Variants in CPSF3 observed in about 807,000 individuals in gnomAD.
CPSF3 encodes the protein cleavage and polyadenylation specific factor 3, also known as cleavage and polyadenylation specificity factor subunit 3.
In CPSF3, 57 loss-of-function variants were observed where a neutral mutation model predicts 84.1. That is an observed-to-expected ratio of 0.68 (90% CI 0.55 to 0.85). CPSF3 has a LOEUF of 0.85. CPSF3 is among the 40% of genes least tolerant of loss of function. The pLI, the probability that CPSF3 is intolerant of heterozygous loss-of-function variation, is 0.00. For synonymous variants in CPSF3, 275 were observed against 278.1 expected (o/e 0.99, Z 0.11); for missense variants, 522 against 838.8 (o/e 0.62, Z 4.66).
In CPSF3 at chr2:9,462,166, T is replaced by G. The variant is rs185740589; in HGVS notation, c.1786+2548T>G. Among the ~76,000 whole-genome samples, 1,072 of 152,312 alleles carry G rather than the reference T, an allele frequency of 7.0e-3. 8 individuals are homozygous for G. Among genetic ancestry groups the G allele is most frequent in the Admixed American group, 0.017 (263 of 15,296 alleles). ...GAGAGCAGAATCACGCCCAGGGCTT[T>G]GGGCCACGCAGCTTTCAGCTGTAAG... is the stretch of plus-strand genomic sequence containing the variant. On this transcript the variant is annotated intron_variant, in intron 15 of 17. Transcript: ENST00000238112.
In CPSF3 at chr2:9,431,290, G is replaced by C. The variant is rs138923759; in HGVS notation, c.341+410G>C. ...GCTAGTCTCAAACTCCTGGGCTCCA[G>C]TGATCCTCCTGCCTTGGCCTCCCAG... is the stretch of plus-strand genomic sequence containing the variant. On this transcript the variant is annotated intron_variant, in intron 4 of 17. Coordinates refer to ENST00000238112, the MANE Select transcript of CPSF3 (RefSeq NM_016207.4). Among the ~76,000 whole-genome samples, 521 of 152,336 alleles carry C rather than the reference G, an allele frequency of 3.4e-3. 1 individual carries two copies. Among genetic ancestry groups the C allele is most frequent in the African/African-American group, 0.012 (496 of 41,580 alleles).
chr2:9,443,774 C>T (rs1681034424), intron 10 of CPSF3, 113 bp downstream of exon 10: 5 of 1,138,362 alleles, frequency 4.4e-6, no homozygotes, highest in Non-Finnish European at 6.3e-6. Flanking sequence ...TGCGACACCC[C>T]CTGAGCAGAG....
intron 12 of CPSF3, among the ~76,000 whole-genome samples, chr2:9,454,388 A>G (rs1244405982): frequency 2.0e-5 from 3 of 152,162 alleles, no homozygotes; most frequent in African/African-American, 4.8e-5. Flanking sequence ...AACCCGGGCA[A>G]CAGTGCGAGA....
At chr2:9,458,329 G>C (rs1681604161) in intron 14 of CPSF3, among the ~76,000 whole-genome samples, 1 of 152,138 alleles carries the variant, frequency 6.6e-6, no homozygotes, top group Admixed American at 6.5e-5. Flanking sequence ...ACTTGCATCT[G>C]GGAAACAGAG....
chr2:9,424,995 C>T (rs1026319545), intron 1 of CPSF3: 1 of 152,096 alleles, frequency 6.6e-6, no homozygotes, highest in Non-Finnish European at 1.5e-5. Context: ...AATCTAAGAA[C>T]GCAGGCAGGC....
intron 10 of CPSF3, among the ~76,000 whole-genome samples, chr2:9,447,105 C>T (rs967708084): frequency 1.1e-4 from 16 of 152,028 alleles, no homozygotes; most frequent in African/African-American, 3.9e-4. Flanking sequence ...TATGCCACTG[C>T]ACTCCAACCT....
chr2:9,448,479 TTTATCC>T (rs1294789825), intron 11 of CPSF3, 129 bp downstream of exon 11: 5 of 755,762 alleles, frequency 6.6e-6, no homozygotes, highest in Middle Eastern at 2.6e-4. Context: ...CTACAGGAAT[TTTATCC>T]TTATCCTTTT....
chr2:9,443,405 G>C (rs766913670), intron 9 of CPSF3, 110 bp from the exon 10 acceptor site: 4 of 1,014,428 alleles, frequency 3.9e-6, no homozygotes, highest in South Asian at 1.8e-5. Flanking sequence ...GATTTTGTGC[G>C]TAAGGTCCTA....
chr2:9,432,637 A>T lies in CPSF3; in HGVS notation c.468A>T (p.Ala156=). The T allele has an allele frequency of 1.9e-6, 3 of 1,578,226 alleles. No homozygotes were observed. Among genetic ancestry groups the T allele is most frequent in the Non-Finnish European group, 2.6e-6 (3 of 1,152,972 alleles). Residue 156 remains alanine, a synonymous_variant, in exon 5 of 18, where the codon GCA becomes GCT. Transcript: ENST00000238112. The part of the protein sequence containing the change: ...VAGIKFWCYH[A]GHVLGAAMFM... ...GAATCAAGTTTTGGTGTTACCATGCAGGTCACGTCCTAGGAGCCGCCATGT... is the reference window on the plus strand; with the variant it reads ...GAATCAAGTTTTGGTGTTACCATGCTGGTCACGTCCTAGGAGCCGCCATGT...
At chr2:9,426,999 C>G (rs1680417862) in intron 1 of CPSF3, among the ~76,000 whole-genome samples, 1 of 152,076 alleles carries the variant, frequency 6.6e-6, no homozygotes, top group Non-Finnish European at 1.5e-5. Context: ...CAAGAGGGTC[C>G]ACTGCCCTGG....
In CPSF3 at chr2:9,471,404, G is replaced by A; in HGVS notation, c.1918G>A (p.Asp640Asn). Residue 640 changes from aspartate to asparagine, a missense_variant, in exon 17 of 18, where the codon GAC (aspartate) becomes AAC (asparagine). Asp to Asn is a conservative substitution (Grantham distance 23). Coordinates refer to ENST00000238112, the MANE Select transcript of CPSF3 (RefSeq NM_016207.4). ...TGACTCTATTCTTAGCGTCACAGTG[G>A]ACGGGAAAACTGCCAACCTTAACTT... ...KDDSILSVTVDGKTANLNLET... is the reference protein window; with the variant it reads ...KDDSILSVTVNGKTANLNLET... 6.2e-7 allele frequency: 1 copy of A among 1,612,316 alleles called. No individual in the cohort carries two copies. The highest frequency in any genetic ancestry group is 8.5e-7 in the Non-Finnish European group (1 of 1,178,452).
rs759335831 is a variant in CPSF3, at chr2:9,455,681, C to T, written c.1527C>T (p.Ser509=). The change falls in exon 13 of 18, where the codon AGC becomes AGT. Residue 509 remains serine (S), a synonymous_variant. Coordinates refer to ENST00000238112, the MANE Select transcript of CPSF3 (RefSeq NM_016207.4). ...CAGATTATACTGACCTGGCCATGAG[C>T]ACGGTGAAGCAGACCCAAGCCATTC... ...DLSNYTDLAM[S]TVKQTQAIPY... The T allele has an allele frequency of 1.5e-5, 25 of 1,613,838 alleles. No homozygotes were observed. Among genetic ancestry groups the T allele is most frequent in the Non-Finnish European group, 2.0e-5 (24 of 1,179,872 alleles).
intron 1 of CPSF3, 24 bp downstream of exon 1, chr2:9,423,847 A>G (rs957554248): frequency 3.1e-6 from 5 of 1,610,704 alleles, no homozygotes; most frequent in Non-Finnish European, 3.4e-6. Flanking sequence ...GAGAGAGGGA[A>G]TGAAGCCACG....
At chr2:9,453,504 T>C (rs1449956939) in intron 12 of CPSF3, among the ~76,000 whole-genome samples, 1 of 152,210 alleles carries the variant, frequency 6.6e-6, no homozygotes, top group Non-Finnish European at 1.5e-5. Flanking sequence ...AATTTTTTCA[T>C]TACATTGAAA....
chr2:9,442,312 ATC>A (rs1191206498), intron 9 of CPSF3, among the ~76,000 whole-genome samples: 1 of 152,128 alleles, frequency 6.6e-6, no homozygotes, highest in Non-Finnish European at 1.5e-5. Flanking sequence ...AATACATATG[ATC>A]TTAAAAAGCT....
chr2:9,452,325 C>CA (rs58267919), intron 11 of CPSF3, among the ~76,000 whole-genome samples: 1,403 of 72,662 alleles, frequency 0.019, 6 homozygotes, highest in Non-Finnish European at 0.032. Flanking sequence ...GACACTGTCT[C>CA]AAAAAAAAAA....
intron 13 of CPSF3, among the ~76,000 whole-genome samples, 179 bp from the exon 14 acceptor site, chr2:9,456,754 A>G (rs936999127): frequency 3.9e-5 from 6 of 152,220 alleles, no homozygotes; most frequent in Non-Finnish European, 7.3e-5. Flanking sequence ...AATGTTTGCA[A>G]TACATGTTCA....
At position 9,472,244 on chromosome 2, in the gene CPSF3, C is replaced by A. The variant is rs185162249; in HGVS notation, c.1954-672C>A. The stretch of plus-strand genomic sequence containing the variant: ...GGAGAACCCAGGAATCACCTTAACC[C>A]AAGAGACAGAGGTTGCAGTGAGCTG... On this transcript the variant is annotated intron_variant, in intron 17 of 17. Transcript: ENST00000238112. Among the ~76,000 whole-genome samples the A allele has an allele frequency of 3.5e-5, 5 of 144,674 alleles. No individual in the cohort carries two copies. The East Asian group carries it at 1.1e-3, about 31-fold the overall frequency. The allele number at this position is 144,674 out of a possible 152,430, so 94.9% of individuals were successfully genotyped here.
intron 10 of CPSF3, among the ~76,000 whole-genome samples, chr2:9,446,412 C>T (rs1431233632): frequency 1.3e-5 from 2 of 151,986 alleles, no homozygotes; most frequent in Non-Finnish European, 2.9e-5. Context: ...AACCCCGTCT[C>T]TACTAAAAAT....
Sources: allele counts gnomAD v4.1 joint callset (sites outside exome capture counted in the v4.1 genomes callset), GRCh38; gene constraint gnomAD v4.1.1; transcripts MANE v1.5; gene names NCBI Gene and HGNC (gene_info 2026-07-23, HGNC 2026-07-21).